The following ATP8A2 variants were observed in gnomAD, a reference collection of about 807,000 sequenced individuals.
ATP8A2 encodes the protein ATPase phospholipid transporting 8A2.
Under a neutral mutation model 165.6 loss-of-function variants are expected in ATP8A2, and 100 were observed. The observed-to-expected ratio is 0.60, with a 90% CI of 0.51 to 0.71. The LOEUF (loss-of-function observed/expected upper bound fraction) is 0.71. Among genes scored for constraint, ATP8A2 ranks in the 30% least tolerant of loss-of-function variants. ATP8A2 has a pLI of 0.00. For missense variants in ATP8A2, 1,227 were observed against 1,479.5 expected (o/e 0.83, Z 2.80); for synonymous variants, 543 against 548.8 (o/e 0.99, Z 0.15).
At chr13:26,019,711 G>A (rs975312956) in intron 36 of ATP8A2, among the ~76,000 whole-genome samples, 177 bp from the exon 37 acceptor site, 11 of 152,124 alleles carry the variant, frequency 7.2e-5, no homozygotes, top group South Asian at 6.2e-4. Flanking sequence ...GCACACGGCC[G>A]CCACGGCCCC....
intron 33 of ATP8A2, among the ~76,000 whole-genome samples, chr13:25,935,060 A>G (rs1439268137): frequency 2.0e-5 from 3 of 152,210 alleles, no homozygotes; most frequent in African/African-American, 7.2e-5. Context: ...CTATATATAT[A>G]TGTAAAACAT....
chr13:25,610,493 T>TA (rs1195359269), intron 24 of ATP8A2, among the ~76,000 whole-genome samples: 7 of 152,328 alleles, frequency 4.6e-5, no homozygotes, highest in African/African-American at 1.7e-4. Flanking sequence ...TTTATATCAG[T>TA]ACCATGCTGT....
At chr13:25,418,481 T>TA (rs5802334) in intron 1 of ATP8A2, among the ~76,000 whole-genome samples, 40,452 of 151,922 alleles carry the variant, frequency 0.27, 5,604 homozygotes, top group East Asian at 0.46. Flanking sequence ...TATTTTTTTT[T>TA]CCAAAAAGTT....
chr13:25,706,721 G>T (rs1211382276), intron 25 of ATP8A2, among the ~76,000 whole-genome samples: 3 of 152,124 alleles, frequency 2.0e-5, no homozygotes, highest in African/African-American at 7.2e-5. Flanking sequence ...TTAGTTATAA[G>T]CCAGCTTCCT....
chr13:25,780,264 T>C (rs1262572401), intron 27 of ATP8A2, among the ~76,000 whole-genome samples: 1 of 152,220 alleles, frequency 6.6e-6, no homozygotes, highest in East Asian at 1.9e-4. Context: ...TGGTGATTAG[T>C]TGGTGGTTCC....
At chr13:25,551,600 C>A in intron 11 of ATP8A2, 97 bp downstream of exon 11, 1 of 1,185,472 alleles carries the variant, frequency 8.4e-7, no homozygotes, top group Non-Finnish European at 1.2e-6. Context: ...TGCTGTCCTT[C>A]TGTTCCCTTT....
chr13:25,440,288 A>G (rs1055385291), intron 1 of ATP8A2, among the ~76,000 whole-genome samples: 1 of 152,064 alleles, frequency 6.6e-6, no homozygotes, highest in African/African-American at 2.4e-5. Flanking sequence ...TGCTGTCAGG[A>G]TATACCACTG....
In ATP8A2 at chr13:25,796,489, A is replaced by G. The variant is rs368658074; in HGVS notation, c.2679+21530A>G. ...AAAAGGAGAGTGGGACACACATGAA[A>G]CCCATTTTAATGAAGGAATGTCCAA... On this transcript the variant is annotated intron_variant, in intron 27 of 36. Coordinates refer to ENST00000381655, the MANE Select transcript of ATP8A2 (RefSeq NM_016529.6). 7.9e-4 allele frequency among the ~76,000 whole-genome samples: 121 copies of G among 152,326 alleles called. 1 individual carries two copies. Among genetic ancestry groups the G allele is most frequent in the South Asian group, 3.1e-3 (15 of 4,826 alleles).
chr13:25,701,108 A>T (rs2042942527), intron 25 of ATP8A2, among the ~76,000 whole-genome samples: 1 of 152,168 alleles, frequency 6.6e-6, no homozygotes, highest in African/African-American at 2.4e-5. Context: ...CATCAGATAG[A>T]TGATTTGCAG....
chr13:25,661,258 C>T (rs1232872546), intron 24 of ATP8A2, among the ~76,000 whole-genome samples: 1 of 152,138 alleles, frequency 6.6e-6, no homozygotes, highest in Non-Finnish European at 1.5e-5. Flanking sequence ...TCTTCCACAC[C>T]CAAAAAACCT....
At chr13:25,517,039 C>T (rs949395813) in intron 2 of ATP8A2, 1 of 151,688 alleles carries the variant, frequency 6.6e-6, no homozygotes, top group Admixed American at 6.6e-5. Context: ...CCTCGCCCTC[C>T]CAAAGTGCTG....
At chr13:25,740,036 G>A (rs1323427021) in intron 25 of ATP8A2, among the ~76,000 whole-genome samples, 3 of 152,032 alleles carry the variant, frequency 2.0e-5, no homozygotes, top group South Asian at 4.1e-4. Context: ...AGGGCTGGGC[G>A]CAGTGGCTCA....
chr13:25,726,676 A>C (rs2043501217), intron 25 of ATP8A2, among the ~76,000 whole-genome samples: 1 of 152,156 alleles, frequency 6.6e-6, no homozygotes, highest in Non-Finnish European at 1.5e-5. Context: ...TCCCCACTTC[A>C]AGATCCTTTA....
intron 24 of ATP8A2, among the ~76,000 whole-genome samples, chr13:25,635,160 A>G (rs1170815497): frequency 2.0e-5 from 3 of 152,190 alleles, no homozygotes; most frequent in Admixed American, 6.5e-5. Flanking sequence ...CTTCAGTCTC[A>G]TGAAGCATGA....
intron 35 of ATP8A2, among the ~76,000 whole-genome samples, chr13:25,977,882 T>G (rs1446881211): frequency 3.3e-5 from 5 of 152,110 alleles, no homozygotes; most frequent in African/African-American, 1.2e-4. Context: ...GGGAGGTAAG[T>G]GTGGAGAGAC....
Position 25,453,498 on chromosome 13 carries a change from C to T in ATP8A2, c.77-15479C>T, listed in dbSNP as rs934422571. 2.6e-5 allele frequency among the ~76,000 whole-genome samples: 4 copies of T among 152,052 alleles called. No individual in the cohort carries two copies. In the South Asian group the frequency reaches 6.2e-4, roughly 24 times the overall value. The stretch of plus-strand genomic sequence containing the variant: ...TGGCTGGGGTTTTACGGCTTATGGC[C>T]TCGGGATTGGCTTGTGTGCTTTTAT... On this transcript the variant is annotated intron_variant, in intron 1 of 36. Coordinates refer to ENST00000381655, the MANE Select transcript of ATP8A2 (RefSeq NM_016529.6).
chr13:25,657,943 G>A (rs34659451), intron 24 of ATP8A2, among the ~76,000 whole-genome samples: 4 of 152,176 alleles, frequency 2.6e-5, no homozygotes, highest in African/African-American at 7.2e-5. Context: ...TAGTTTGATG[G>A]AGGTAACGTT....
chr13:26,010,266 C>T (rs893144525), intron 35 of ATP8A2, among the ~76,000 whole-genome samples: 11 of 152,242 alleles, frequency 7.2e-5, no homozygotes, highest in Non-Finnish European at 1.5e-4. Context: ...TTTCAATGAT[C>T]CCTCCCATTT....
intron 35 of ATP8A2, among the ~76,000 whole-genome samples, chr13:26,003,441 A>G (rs1222507678): frequency 2.0e-5 from 3 of 152,104 alleles, no homozygotes; most frequent in Middle Eastern, 3.4e-3. Context: ...TATCAGATGT[A>G]TAGCTTGCAA....
Sources: allele counts gnomAD v4.1 joint callset (sites outside exome capture counted in the v4.1 genomes callset), GRCh38; gene constraint gnomAD v4.1.1; transcripts MANE v1.5; gene names NCBI Gene and HGNC (gene_info 2026-07-23, HGNC 2026-07-21).